The following SOX5 variants were observed in gnomAD, a reference collection of about 807,000 sequenced individuals.
SOX5 encodes the protein SRY-box transcription factor 5.
Under a neutral mutation model 92.0 loss-of-function variants are expected in SOX5, and 9 were observed. The ratio of observed to expected loss-of-function variants is 0.10; its 90% CI spans 0.06 to 0.17. The LOEUF (loss-of-function observed/expected upper bound fraction) is 0.17. Among genes scored for constraint, SOX5 ranks in the 10% least tolerant of loss-of-function variants. SOX5 has a pLI of 1.00. For missense variants in SOX5, 642 were observed against 944.5 expected (o/e 0.68, Z 4.20); for synonymous variants, 344 against 336.3 (o/e 1.02, Z -0.25).
At chr12:23,756,093 A>T (rs1474145312) in intron 3 of SOX5, among the ~76,000 whole-genome samples, 2 of 151,802 alleles carry the variant, frequency 1.3e-5, no homozygotes, top group Non-Finnish European at 2.9e-5. Context: ...GCGGAGTAAA[A>T]AAAGGCAAAG....
At chr12:24,225,300 G>C (rs971195020) in intron 3 of SOX5, among the ~76,000 whole-genome samples, 4 of 152,056 alleles carry the variant, frequency 2.6e-5, no homozygotes, top group Admixed American at 6.6e-5. Flanking sequence ...GCTTAAAGGA[G>C]GTCCAATACA....
At chr12:24,140,456 A>G (rs925875785) in intron 4 of SOX5, among the ~76,000 whole-genome samples, 2 of 152,212 alleles carry the variant, frequency 1.3e-5, no homozygotes, top group East Asian at 1.9e-4. Flanking sequence ...GTATACCATT[A>G]TAAGTAAAGA....
At chr12:24,299,459 TTATATCTGGG>T (rs1048208367) in intron 2 of SOX5, among the ~76,000 whole-genome samples, 25 of 152,310 alleles carry the variant, frequency 1.6e-4, no homozygotes, top group Admixed American at 1.4e-3. Context: ...CTGCCAGTGC[TTATATCTGGG>T]TATATTAAAA....
chr12:24,328,787 T>C lies in SOX5; in HGVS notation c.-174+39776A>G, dbSNP rs190232327. ...CATCATTACTTTTGCCTAAAAACTA[T>C]TTATGCTTTATCTGTTGTTTTAATA... On this transcript the variant is annotated intron_variant, in intron 2 of 4. Coordinates refer to the SOX5 transcript ENST00000446891. Among the ~76,000 whole-genome samples the C allele has an allele frequency of 3.0e-3, 461 of 152,344 alleles. 3 individuals carry two copies. Among genetic ancestry groups the C allele is most frequent in the Middle Eastern group, 0.01 (3 of 294 alleles).
intron 1 of SOX5, among the ~76,000 whole-genome samples, chr12:24,400,434 G>A (rs952217118): frequency 2.6e-5 from 4 of 152,130 alleles, no homozygotes; most frequent in Non-Finnish European, 4.4e-5. Flanking sequence ...GAAGAATTTC[G>A]ACTTTTAGGA....
chr12:24,003,980 T>A (rs1010159948), intron 4 of SOX5, among the ~76,000 whole-genome samples: 1 of 152,052 alleles, frequency 6.6e-6, no homozygotes, highest in Non-Finnish European at 1.5e-5. Context: ...CTGAGAATCC[T>A]ACCATCAACC....
chr12:24,111,594 A>C (rs1351203700), intron 4 of SOX5, among the ~76,000 whole-genome samples: 1 of 152,210 alleles, frequency 6.6e-6, no homozygotes, highest in East Asian at 1.9e-4. Context: ...AATTCCAGTA[A>C]TTCACATTGT....
At chr12:23,849,594 A>G (rs2096609189) in intron 2 of SOX5, among the ~76,000 whole-genome samples, 3 of 152,170 alleles carry the variant, frequency 2.0e-5, no homozygotes, top group Admixed American at 1.3e-4. Flanking sequence ...GTATCTACCA[A>G]TGTTAAGGGT....
At chr12:23,878,307 G>T (rs1216632657) in intron 2 of SOX5, among the ~76,000 whole-genome samples, 4 of 151,950 alleles carry the variant, frequency 2.6e-5, no homozygotes, top group Non-Finnish European at 4.4e-5. Flanking sequence ...AAGAGAAACA[G>T]ATAGTTCCAA....
upstream of SOX5, chr12:23,950,793 C>T: frequency 2.2e-6 from 3 of 1,364,172 alleles, no homozygotes; most frequent in East Asian, 2.5e-5. Flanking sequence ...ATCTGGCAGC[C>T]GAGAAAGGTA....
chr12:24,482,359 C>T (rs1946082235), intron 1 of SOX5, among the ~76,000 whole-genome samples: 1 of 152,138 alleles, frequency 6.6e-6, no homozygotes, highest in Admixed American at 6.5e-5. Flanking sequence ...GGACATCTTT[C>T]ATTTGGCAAT....
At position 23,530,391 on chromosome 12, in the gene SOX5, A is replaced by G. The variant is rs1353867333; in HGVS notation, c.*3828T>C. 5 of 152,226 alleles carry G rather than the reference A, an allele frequency of 3.3e-5. No individual in the cohort carries two copies. The highest frequency in any genetic ancestry group is 1.3e-4 in the Admixed American group (2 of 15,282). 9.4% of individuals were successfully genotyped at this position (152,226 alleles called of 1,614,324 possible). ...GACCAAAAAATGGTTAATTTTCTTTAAGTGAATTAAGGTAAAATTCTACTC... is the reference window on the plus strand; with the variant it reads ...GACCAAAAAATGGTTAATTTTCTTTGAGTGAATTAAGGTAAAATTCTACTC... On this transcript the variant is annotated 3_prime_UTR_variant, in exon 15 of 15. Coordinates refer to ENST00000451604, the MANE Select transcript of SOX5 (RefSeq NM_006940.6).
At chr12:24,300,206 G>A (rs1947793523) in intron 2 of SOX5, among the ~76,000 whole-genome samples, 1 of 152,178 alleles carries the variant, frequency 6.6e-6, no homozygotes, top group South Asian at 2.1e-4. Flanking sequence ...TAACTTCTGG[G>A]TTCAGAAAAA....
At chr12:23,976,585 G>A (rs548927144) in intron 4 of SOX5, among the ~76,000 whole-genome samples, 4 of 152,048 alleles carry the variant, frequency 2.6e-5, no homozygotes, top group Non-Finnish European at 5.9e-5. Flanking sequence ...ATTATAAGTA[G>A]ATTTGGATAA....
intron 14 of SOX5, among the ~76,000 whole-genome samples, chr12:23,535,039 A>G (rs1940023804): frequency 6.6e-6 from 1 of 152,168 alleles, no homozygotes; most frequent in Non-Finnish European, 1.5e-5. Flanking sequence ...AGTGCTTTAT[A>G]GAGTACAAGA....
At chr12:24,242,921 C>A (rs1937754931) in intron 3 of SOX5, among the ~76,000 whole-genome samples, 1 of 152,102 alleles carries the variant, frequency 6.6e-6, no homozygotes, top group Non-Finnish European at 1.5e-5. Context: ...TTTGAAGTAT[C>A]ATTTTCCAAA....
intron 3 of SOX5, among the ~76,000 whole-genome samples, chr12:23,820,206 T>C (rs10842227): frequency 1.3e-5 from 2 of 152,256 alleles, no homozygotes; most frequent in African/African-American, 4.8e-5. Flanking sequence ...TTTCATGTTT[T>C]TTGGCCGCAT....
chr12:23,972,345 G>T (rs1264119317), intron 4 of SOX5, among the ~76,000 whole-genome samples: 1 of 151,846 alleles, frequency 6.6e-6, no homozygotes, highest in Non-Finnish European at 1.5e-5. Flanking sequence ...TCTTCCTATG[G>T]TTTTTTTGTT....
At chr12:23,542,361 G>T (rs1401329111) in intron 13 of SOX5, among the ~76,000 whole-genome samples, 1 of 152,140 alleles carries the variant, frequency 6.6e-6, no homozygotes. Flanking sequence ...AGGTTGTCTA[G>T]TATCTGGCCA....
Sources: allele counts gnomAD v4.1 joint callset (sites outside exome capture counted in the v4.1 genomes callset), GRCh38; gene constraint gnomAD v4.1.1; transcripts MANE v1.5; gene names NCBI Gene and HGNC (gene_info 2026-07-23, HGNC 2026-07-21).